PNRC1: variants seen among roughly 807,000 people sequenced by gnomAD.
PNRC1 encodes the protein proline-rich nuclear receptor coactivator 1.
Under a neutral mutation model 20.2 loss-of-function variants are expected in PNRC1, and 6 were observed. The observed-to-expected ratio is 0.30, with a 90% CI of 0.16 to 0.59. The LOEUF is 0.59. Ranked by LOEUF, PNRC1 falls within the 20% of genes least tolerant of loss-of-function variation. The pLI is 0.89. For missense variants in PNRC1, 488 were observed against 430.2 expected, an observed-to-expected ratio of 1.13 and a Z score of -1.19; for synonymous variants, 202 against 186.9, an observed-to-expected ratio of 1.08 and a Z score of -0.66.
intron 1 of PNRC1, 116 bp from the exon 2 acceptor site, chr6:89,083,637 T>A (rs1260603027): frequency 2.8e-6 from 2 of 721,406 alleles, no homozygotes; most frequent in African/African-American, 3.6e-5. Context: ...CATAATTTTG[T>A]TCTTTTCTAT....
intron 1 of PNRC1, chr6:89,081,919 T>C (rs1768010861): frequency 6.6e-6 from 1 of 152,144 alleles, no homozygotes; most frequent in Non-Finnish European, 1.5e-5. Context: ...TCCTAGTCGG[T>C]GAAACGCGGA....
In PNRC1 at chr6:89,081,156, G is replaced by A; in HGVS notation, c.262G>A (p.Gly88Ser). 1 of 1,600,418 alleles carries A rather than the reference G, an allele frequency of 6.2e-7. No individual in the cohort carries two copies. The highest frequency in any genetic ancestry group is 1.1e-5 in the South Asian group (1 of 90,550). The change falls in exon 1 of 2, where the codon GGC becomes AGC. Residue 88 changes from glycine (G) to serine (S), a missense_variant. Coordinates refer to ENST00000336032, the MANE Select transcript of PNRC1 (RefSeq NM_006813.3). ...LPNRSLAVAG[G>S]TPRAAPKKRR... ...CAACCGCAGCCTCGCCGTGGCGGGA[G>A]GCACTCCTCGGGCAGCGCCGAAGAA... is the stretch of plus-strand genomic sequence containing the variant.
At position 89,080,958 on chromosome 6, in the gene PNRC1, G is replaced by C; in HGVS notation, c.64G>C (p.Gly22Arg). 3 of 1,613,348 alleles carry C rather than the reference G, an allele frequency of 1.9e-6. No homozygotes were observed. The highest frequency in any genetic ancestry group is 2.5e-6 in the Non-Finnish European group (3 of 1,180,008). The change falls in exon 1 of 2, where the codon GGC becomes CGC. Residue 22 changes from glycine to arginine, a missense_variant. By Grantham distance (125) the Gly-to-Arg change is moderately radical. Transcript: ENST00000336032. Reference protein sequence around the residue: ...LVLGGRLAPLGFSSRGYFGAL... With the variant: ...LVLGGRLAPLRFSSRGYFGAL... ...CCTGGGTGGCCGCCTTGCGCCGCTT[G>C]GCTTTTCCTCCCGAGGTTACTTTGG...
Position 89,081,162 on chromosome 6 carries a change from C to G in PNRC1, c.268C>G (p.Pro90Ala). 1 of 1,597,992 alleles carries G rather than the reference C, an allele frequency of 6.3e-7. No homozygotes were observed. The highest frequency in any genetic ancestry group is 8.5e-7 in the Non-Finnish European group (1 of 1,177,286). Residue 90 changes from proline (P) to alanine (A), a missense_variant, in exon 1 of 2, where the codon CCT becomes GCT. By Grantham distance (27) the Pro-to-Ala change is conservative. Transcript: ENST00000336032. ...NRSLAVAGGT[P>A]RAAPKKRRKK... ...CAGCCTCGCCGTGGCGGGAGGCACT[C>G]CTCGGGCAGCGCCGAAGAAGCGGCG...
chr6:89,083,649 G>A (rs967537214), intron 1 of PNRC1, 104 bp from the exon 2 acceptor site: 6 of 815,204 alleles, frequency 7.4e-6, no homozygotes, highest in African/African-American at 3.5e-5. Flanking sequence ...CTTTTCTATG[G>A]CTGTGGGCAA....
At position 89,084,274 on chromosome 6, in the gene PNRC1, G is replaced by A. The variant is rs2231278; in HGVS notation, c.*78G>A. Reference sequence around the variant, plus strand: ...TCTTGAGAAAATTGGTACAGAAATGGAAATTTGCCTTGTTGCAACATACAA... The same window carrying A: ...TCTTGAGAAAATTGGTACAGAAATGAAAATTTGCCTTGTTGCAACATACAA... On this transcript the variant is annotated 3_prime_UTR_variant, in exon 2 of 2. Transcript: ENST00000336032. 3.1e-6 allele frequency: 3 copies of A among 979,390 alleles called. No individual in the cohort carries two copies. In the East Asian group the frequency reaches 7.7e-5, roughly 25 times the overall value. The allele number at this position is 979,390 out of a possible 1,614,324, so 60.7% of individuals were successfully genotyped here. A position where few individuals can be genotyped will look rare whatever the true frequency, so the allele number is the denominator to read the frequency against.
rs903781253 is a variant in PNRC1 at position 89,085,084 on chromosome 6, G to C, written c.*888G>C. 2.0e-5 allele frequency: 3 copies of C among 152,178 alleles called. No individual in the cohort carries two copies. The highest frequency in any genetic ancestry group is 7.2e-5 in the African/African-American group (3 of 41,426). The allele number at this position is 152,178 out of a possible 1,614,324, so 9.4% of individuals were successfully genotyped here. A position where few individuals can be genotyped will look rare whatever the true frequency, so the allele number is the denominator to read the frequency against. On this transcript the variant is annotated 3_prime_UTR_variant, in exon 2 of 2. Coordinates refer to ENST00000336032, the MANE Select transcript of PNRC1 (RefSeq NM_006813.3). ...GAAGTGGAGATTGCAATTGAGCTAG[G>C]ATCAGGCCACTGCACTCCAGCCTGG...
chr6:89,081,433 A>C lies in PNRC1; in HGVS notation c.539A>C (p.Glu180Ala), dbSNP rs1002324333. Reference sequence around the variant, plus strand: ...CCCGGCCAAACCCCCCTCAGGAAAGAGGTGAGGCCGCCAGGGGGCCGTTGG... The same window carrying C: ...CCCGGCCAAACCCCCCTCAGGAAAGCGGTGAGGCCGCCAGGGGGCCGTTGG... The part of the protein sequence containing the change: ...AAPGQTPLRK[E>A]VLKSKMGKSE... Residue 180 changes from glutamate to alanine, a missense_variant and splice_region_variant, in exon 1 of 2, where the codon GAG becomes GCG. By Grantham distance (107) the Glu-to-Ala change is moderately radical. Transcript: ENST00000336032. 2 of 1,302,056 alleles carry C rather than the reference A, an allele frequency of 1.5e-6. No individual in the cohort carries two copies. Among genetic ancestry groups the C allele is most frequent in the Non-Finnish European group, 1.9e-6 (2 of 1,033,328 alleles). 80.7% of individuals were successfully genotyped at this position (1,302,056 alleles called of 1,614,324 possible). A position where few individuals can be genotyped will look rare whatever the true frequency, so the allele number is the denominator to read the frequency against.
rs757768258 is a variant in PNRC1 at position 89,081,057 on chromosome 6, C to A, written c.163C>A (p.Leu55Ile). ...IPDPRALPPT[L>I]FLPHFLGGDG... is the part of the protein sequence containing the mutation. ...GGACCCCCGGGCACTGCCCCCGACC[C>A]TCTTCCTCCCTCATTTCCTAGGGGG... is the stretch of plus-strand genomic sequence containing the variant. Residue 55 changes from leucine (L) to isoleucine (I), a missense_variant, in exon 1 of 2, where the codon CTC becomes ATC. Leu to Ile is a conservative substitution (Grantham distance 5). Coordinates refer to ENST00000336032, the MANE Select transcript of PNRC1 (RefSeq NM_006813.3). 1 of 1,610,784 alleles carries A rather than the reference C, an allele frequency of 6.2e-7. No homozygotes were observed. The highest frequency in any genetic ancestry group is 2.2e-5 in the East Asian group (1 of 44,850).
At chr6:89,083,119 C>T (rs1460597930) in intron 1 of PNRC1, among the ~76,000 whole-genome samples, 1 of 152,090 alleles carries the variant, frequency 6.6e-6, no homozygotes, top group Non-Finnish European at 1.5e-5. Context: ...GGGATCCCGC[C>T]TCAGCCAGCC....
rs1440078983 is a variant in PNRC1, at chr6:89,084,410, A to G, written c.*214A>G. 4.7e-6 allele frequency: 2 copies of G among 421,196 alleles called. No homozygotes were observed. The highest frequency in any genetic ancestry group is 8.6e-6 in the Non-Finnish European group (2 of 231,456). 26.1% of individuals were successfully genotyped at this position (421,196 alleles called of 1,614,324 possible). ...TGTATATTGTTCATACTTGAGAGGT[A>G]TATTATAGTTTTGTTATGAAAGTAT... On this transcript the variant is annotated 3_prime_UTR_variant, in exon 2 of 2. Coordinates refer to ENST00000336032, the MANE Select transcript of PNRC1 (RefSeq NM_006813.3).
chr6:89,081,343 G>A lies in PNRC1; in HGVS notation c.449G>A (p.Ser150Asn). The change falls in exon 1 of 2, where the codon AGT (serine) becomes AAT (asparagine). Residue 150 changes from serine (S) to asparagine (N), a missense_variant. Ser to Asn is a conservative substitution (Grantham distance 46, BLOSUM62 1). Transcript: ENST00000336032. Reference protein sequence around the residue: ...VPGPAAALAPSPAAAAGTEGA... With the variant: ...VPGPAAALAPNPAAAAGTEGA... ...GGCCCGGCCGCCGCCTTGGCCCCGA[G>A]TCCTGCAGCCGCAGCCGGCACGGAG... is the stretch of plus-strand genomic sequence containing the variant. 6.9e-7 allele frequency: 1 copy of A among 1,453,708 alleles called. No individual in the cohort carries two copies. The highest frequency in any genetic ancestry group is 9.0e-7 in the Non-Finnish European group (1 of 1,114,110). The allele number at this position is 1,453,708 out of a possible 1,614,324, so 90.1% of individuals were successfully genotyped here.
Position 89,084,934 on chromosome 6 carries a change from T to G in PNRC1, c.*738T>G, listed in dbSNP as rs1403106401. ...TGGATTTTTTTGACTTCTACTTTAC[T>G]GGCTGAGTGTGAGCCGCCATGCCTG... On this transcript the variant is annotated 3_prime_UTR_variant, in exon 2 of 2. Transcript: ENST00000336032. 6.6e-6 allele frequency: 1 copy of G among 152,260 alleles called. No individual in the cohort carries two copies. 9.4% of individuals were successfully genotyped at this position (152,260 alleles called of 1,614,324 possible).
In PNRC1 at chr6:89,084,502, T is replaced by C. The variant is rs923076929; in HGVS notation, c.*306T>C. On this transcript the variant is annotated 3_prime_UTR_variant, in exon 2 of 2. Transcript: ENST00000336032. ...CAATGGATAAATTTTAAGTGTGTGC[T>C]AAGGCACATGGAAGACCGATTTTAT... is the stretch of plus-strand genomic sequence containing the variant. 5.1e-6 allele frequency: 1 copy of C among 196,688 alleles called. No homozygotes were observed. The highest frequency in any genetic ancestry group is 1.0e-5 in the Non-Finnish European group (1 of 95,868). The allele number at this position is 196,688 out of a possible 1,614,324, so 12.2% of individuals were successfully genotyped here. A position where few individuals can be genotyped will look rare whatever the true frequency, so the allele number is the denominator to read the frequency against.
At chr6:89,082,188 A>G (rs1768018082) in intron 1 of PNRC1, 1 of 152,262 alleles carries the variant, frequency 6.6e-6, no homozygotes, top group African/African-American at 2.4e-5. Context: ...AAGAGTTAGC[A>G]ATTGAATTGA....
chr6:89,082,779 G>A (rs562053808), intron 1 of PNRC1: 1 of 152,332 alleles, frequency 6.6e-6, no homozygotes, highest in Non-Finnish European at 1.5e-5. Context: ...AACCAGAAAG[G>A]AGGTACACAG....
chr6:89,080,785 C>A lies in PNRC1; in HGVS notation c.-110C>A. On this transcript the variant is annotated 5_prime_UTR_variant, in exon 1 of 2. Transcript: ENST00000336032. Reference sequence around the variant, plus strand: ...CCGCCACCGCCCGAGTCATGTTCCGCGATCTTCTCAGGCTCTCCTAGCAGC... The same window carrying A: ...CCGCCACCGCCCGAGTCATGTTCCGAGATCTTCTCAGGCTCTCCTAGCAGC... 9.6e-7 allele frequency: 1 copy of A among 1,042,680 alleles called. No homozygotes were observed. Among genetic ancestry groups the A allele is most frequent in the South Asian group, 1.3e-5 (1 of 74,820 alleles). 64.6% of individuals were successfully genotyped at this position (1,042,680 alleles called of 1,614,324 possible). A position where few individuals can be genotyped will look rare whatever the true frequency, so the allele number is the denominator to read the frequency against.
intron 1 of PNRC1, chr6:89,082,465 T>A (rs990994341): frequency 1.3e-5 from 2 of 152,336 alleles, no homozygotes; most frequent in East Asian, 1.9e-4. Context: ...TCTCAATGTC[T>A]CCCTTTTAAA....
chr6:89,083,620 C>G (rs1768050200), intron 1 of PNRC1, 133 bp from the exon 2 acceptor site: 4 of 649,148 alleles, frequency 6.2e-6, no homozygotes, highest in Non-Finnish European at 7.7e-6. Flanking sequence ...CGTGTTGTCA[C>G]AAAGAACATA....
Sources: gnomAD v4.1 joint callset for allele counts (sites outside exome capture counted in the v4.1 genomes callset) on GRCh38, gnomAD v4.1.1 for gene constraint, MANE v1.5 for transcripts, NCBI Gene and HGNC (gene_info 2026-07-23, HGNC 2026-07-21) for gene names.